Variants in TTC6 observed in about 807,000 individuals in gnomAD.
The protein encoded by TTC6 is tetratricopeptide repeat domain 6, also known as tetratricopeptide repeat protein 6.
Under a neutral mutation model 210.4 loss-of-function variants are expected in TTC6, and 172 were observed. The ratio of observed to expected loss-of-function variants is 0.82; its 90% CI spans 0.72 to 0.93. The LOEUF (loss-of-function observed/expected upper bound fraction) is 0.93. TTC6 is among the 40% of genes least tolerant of loss of function. The probability of loss-of-function intolerance (pLI) is 0.00; values close to 1 mark genes in which losing one functional copy is unlikely to be tolerated. For synonymous variants in TTC6, 804 were observed against 819.6 expected (o/e 0.98, Z 0.32); for missense variants, 2,414 against 2,318.1 (o/e 1.04, Z -0.85).
chr14:37,775,146 GTCTA>G (rs779434849), intron 14 of TTC6, among the ~76,000 whole-genome samples: 4 of 152,070 alleles, frequency 2.6e-5, no homozygotes, highest in African/African-American at 4.8e-5. Context: ...CTAGTTAGTG[GTCTA>G]TCTATCTTAT....
chr14:37,786,411 G>T (rs1234320724), intron 14 of TTC6, among the ~76,000 whole-genome samples: 1 of 152,234 alleles, frequency 6.6e-6, no homozygotes, highest in Non-Finnish European at 1.5e-5. Context: ...CCGTGGGCGT[G>T]GGACCCTCCA....
intron 3 of TTC6, among the ~76,000 whole-genome samples, chr14:37,686,400 T>A (rs2095793847): frequency 6.6e-6 from 1 of 152,216 alleles, no homozygotes; most frequent in Non-Finnish European, 1.5e-5. Context: ...GAGGAGATTG[T>A]CGTCAGGTGG....
intron 6 of TTC6, among the ~76,000 whole-genome samples, chr14:37,715,869 T>C (rs1438071841): frequency 6.6e-6 from 1 of 152,016 alleles, no homozygotes; most frequent in African/African-American, 2.4e-5. Context: ...TAGAGAGAAA[T>C]GATAAGAGAA....
At chr14:37,716,332 T>C (rs1188952635) in intron 6 of TTC6, among the ~76,000 whole-genome samples, 1 of 151,980 alleles carries the variant, frequency 6.6e-6, no homozygotes, top group East Asian at 1.9e-4. Context: ...AAATCTAAAA[T>C]GACAGACTTA....
At chr14:37,726,540 C>T (rs2095873371) in intron 7 of TTC6, among the ~76,000 whole-genome samples, 1 of 151,910 alleles carries the variant, frequency 6.6e-6, no homozygotes, top group South Asian at 2.1e-4. Flanking sequence ...TAAATATATA[C>T]TCATGGGTGA....
chr14:37,802,059 C>A (rs544337221), intron 20 of TTC6: 26 of 152,184 alleles, frequency 1.7e-4, no homozygotes, highest in South Asian at 6.2e-4. Flanking sequence ...GAATATTATG[C>A]AGCATAAAAA....
At chr14:37,695,467 G>C (rs2095812998) in intron 3 of TTC6, among the ~76,000 whole-genome samples, 1 of 152,076 alleles carries the variant, frequency 6.6e-6, no homozygotes, top group African/African-American at 2.4e-5. Context: ...TGATTCTCCT[G>C]CCTCAGTCTC....
chr14:37,826,683 A>G (rs759225082), intron 28 of TTC6, among the ~76,000 whole-genome samples: 4 of 152,150 alleles, frequency 2.6e-5, no homozygotes, highest in Admixed American at 6.6e-5. Flanking sequence ...AGAGAGAACA[A>G]TGTAAATCCC....
intron 1 of TTC6, among the ~76,000 whole-genome samples, chr14:37,678,988 A>G (rs763349286): frequency 1.3e-5 from 2 of 152,098 alleles, no homozygotes; most frequent in Non-Finnish European, 2.9e-5. Context: ...TGGGAGGCCA[A>G]GGAGGGAGGA....
At chr14:37,602,679 C>T (rs1446674819) in intron 1 of TTC6, among the ~76,000 whole-genome samples, 1 of 152,130 alleles carries the variant, frequency 6.6e-6, no homozygotes, top group Non-Finnish European at 1.5e-5. Flanking sequence ...GGAGGATCTG[C>T]ACCCCAACCT....
At chr14:37,623,274 A>G (rs138118523) in intron 1 of TTC6, among the ~76,000 whole-genome samples, 205 of 152,360 alleles carry the variant, frequency 1.3e-3, no homozygotes, top group African/African-American at 4.7e-3. Flanking sequence ...TGAAGACTTC[A>G]GTAATAACGT....
chr14:37,662,517 C>G (rs1263425426), intron 1 of TTC6, among the ~76,000 whole-genome samples: 1 of 152,010 alleles, frequency 6.6e-6, no homozygotes, highest in Non-Finnish European at 1.5e-5. Flanking sequence ...TGATCGTGGT[C>G]TTCTAGGGTT....
At chr14:37,622,550 A>T in exon 1 of TTC6, 3 of 1,534,924 alleles carry the variant, frequency 2.0e-6, no homozygotes, top group Non-Finnish European at 2.6e-6. Flanking sequence ...TGAAGCGCAG[A>T]GCGCGCGGGG....
intron 2 of TTC6, among the ~76,000 whole-genome samples, chr14:37,616,466 G>T (rs1039046475): frequency 3.3e-5 from 5 of 152,116 alleles, no homozygotes; most frequent in Non-Finnish European, 7.4e-5. Flanking sequence ...TTACTCTGAA[G>T]AATTCTTAGG....
At chr14:37,765,238 C>T (rs2095995355) in intron 14 of TTC6, among the ~76,000 whole-genome samples, 1 of 151,680 alleles carries the variant, frequency 6.6e-6, no homozygotes, top group Non-Finnish European at 1.5e-5. Flanking sequence ...TCACAGCTTA[C>T]TACAGTCTTG....
chr14:37,696,272 T>C (rs552920525), intron 3 of TTC6, among the ~76,000 whole-genome samples: 62 of 152,266 alleles, frequency 4.1e-4, no homozygotes, highest in African/African-American at 1.4e-3. Flanking sequence ...AAAATATCTT[T>C]ACATGAGTGA....
At chr14:37,746,528 AGCCTTTG>A (rs2095936545) in intron 10 of TTC6, among the ~76,000 whole-genome samples, 2 of 152,284 alleles carry the variant, frequency 1.3e-5, no homozygotes, top group South Asian at 4.1e-4. Flanking sequence ...ATTTTTAACA[AGCCTTTG>A]GGTAATTCTG....
intron 25 of TTC6, among the ~76,000 whole-genome samples, chr14:37,815,633 G>A (rs2096139704): frequency 6.6e-6 from 1 of 152,094 alleles, no homozygotes; most frequent in Non-Finnish European, 1.5e-5. Context: ...CCAACCCCTG[G>A]TATATAGAGC....
intron 1 of TTC6, among the ~76,000 whole-genome samples, chr14:37,639,015 C>G (rs556308305): frequency 6.6e-6 from 1 of 152,258 alleles, no homozygotes; most frequent in Non-Finnish European, 1.5e-5. Context: ...CGTACAAATA[C>G]GTTTTTCTTT....
Sources: allele counts gnomAD v4.1 joint callset (sites outside exome capture counted in the v4.1 genomes callset), GRCh38; gene constraint gnomAD v4.1.1; transcripts MANE v1.5; gene names NCBI Gene and HGNC (gene_info 2026-07-23, HGNC 2026-07-21).